The following AGBL1 variants were observed in gnomAD, a reference collection of about 807,000 sequenced individuals.
AGBL1 encodes the protein AGBL carboxypeptidase 1.
AGBL1 carries 130 observed loss-of-function variants against 118.9 expected under a neutral mutation model. The ratio of observed to expected loss-of-function variants is 1.09; its 90% CI spans 0.95 to 1.26. The LOEUF is 1.26. AGBL1 is among the 50% of genes most tolerant of loss of function. AGBL1 has a pLI of 0.00. For missense variants in AGBL1, 1,584 were observed against 1,298.1 expected, an observed-to-expected ratio of 1.22 and a Z score of -3.38; for synonymous variants, 555 against 478.9, an observed-to-expected ratio of 1.16 and a Z score of -2.08.
intron 23 of AGBL1, among the ~76,000 whole-genome samples, chr15:86,954,958 T>A (rs1228979200): frequency 6.6e-6 from 1 of 152,188 alleles, no homozygotes; most frequent in Non-Finnish European, 1.5e-5. Flanking sequence ...GTATCTTTAC[T>A]TATATATCTT....
At chr15:86,489,604 C>G (rs2082754401) in intron 18 of AGBL1, among the ~76,000 whole-genome samples, 1 of 152,094 alleles carries the variant, frequency 6.6e-6, no homozygotes, top group Admixed American at 6.6e-5. Context: ...GCCCACGAAC[C>G]AAATCTGTCC....
Position 86,270,087 on chromosome 15 carries a change from A to G in AGBL1, c.1987+20A>G. ...ATTATGGTATGAACGCTTGGGGAGC[A>G]GGGGCTTTCTGGAACATGCCAGGAA... On this transcript the variant is annotated intron_variant, in intron 14 of 22. Transcript: ENST00000614907. The G allele has an allele frequency of 6.2e-7, 1 of 1,601,086 alleles. No homozygotes were observed. Among genetic ancestry groups the G allele is most frequent in the Admixed American group, 1.7e-5 (1 of 58,026 alleles).
chr15:86,554,449 C>T lies in AGBL1; in HGVS notation c.2906C>T (p.Ala969Val). The T allele has an allele frequency of 6.3e-7, 1 of 1,588,604 alleles. No homozygotes were observed. Among genetic ancestry groups the T allele is most frequent in the Non-Finnish European group, 8.6e-7 (1 of 1,167,414 alleles). Residue 969 changes from alanine (A) to valine (V), a missense_variant, in exon 21 of 23, where the codon GCC becomes GTC. Coordinates refer to ENST00000614907, the MANE Select transcript of AGBL1 (RefSeq NM_001386094.1). ...GTGGAGAAATCTCGAGCTTCCACGGCCCGGGTGGTGGTGTGGAGAGAGATG... is the reference window on the plus strand; with the variant it reads ...GTGGAGAAATCTCGAGCTTCCACGGTCCGGGTGGTGGTGTGGAGAGAGATG... Reference protein sequence around the residue: ...FLVEKSRASTARVVVWREMGV... With the variant: ...FLVEKSRASTVRVVVWREMGV...
Position 86,544,334 on chromosome 15 carries a change from G to A in AGBL1, c.2686-1668G>A, listed in dbSNP as rs112161152. The stretch of plus-strand genomic sequence containing the variant: ...TTACTCACGTGATGGTTGTTGCAAG[G>A]TTCCTGGGAACAGCAAGACAGCAAA... On this transcript the variant is annotated intron_variant, in intron 19 of 22. Transcript: ENST00000614907. Among the ~76,000 whole-genome samples the A allele has an allele frequency of 2.9e-3, 434 of 152,266 alleles. 3 individuals are homozygous for A. Among genetic ancestry groups the A allele is most frequent in the African/African-American group, 9.4e-3 (391 of 41,550 alleles).
chr15:86,468,997 G>T (rs1329189637), intron 18 of AGBL1, among the ~76,000 whole-genome samples: 2 of 152,034 alleles, frequency 1.3e-5, no homozygotes, highest in Non-Finnish European at 2.9e-5. Context: ...GTGATGTTTA[G>T]ATATATATAT....
chr15:86,119,241 A>G (rs562325705), intron 1 of AGBL1, among the ~76,000 whole-genome samples: 3 of 152,330 alleles, frequency 2.0e-5, no homozygotes, highest in African/African-American at 7.2e-5. Flanking sequence ...CAGAGATGCA[A>G]AGGTTTCTCA....
At chr15:86,829,330 T>C (rs918136390) in intron 22 of AGBL1, among the ~76,000 whole-genome samples, 1 of 152,166 alleles carries the variant, frequency 6.6e-6, no homozygotes, top group African/African-American at 2.4e-5. Flanking sequence ...AAGGGTCAAG[T>C]GGGCTCTGAT....
intron 22 of AGBL1, among the ~76,000 whole-genome samples, chr15:86,717,891 A>G (rs1403429455): frequency 6.6e-6 from 1 of 152,130 alleles, no homozygotes; most frequent in African/African-American, 2.4e-5. Flanking sequence ...CAGCCTGACC[A>G]ACATGGTGAA....
chr15:86,963,546 T>G (rs148041704), intron 23 of AGBL1, among the ~76,000 whole-genome samples: 8 of 152,020 alleles, frequency 5.3e-5, no homozygotes, highest in Non-Finnish European at 1.2e-4. Context: ...TACAAAGTTA[T>G]AGCAAGAAGT....
At chr15:86,540,680 G>A (rs755444709) in intron 19 of AGBL1, among the ~76,000 whole-genome samples, 56 of 152,106 alleles carry the variant, frequency 3.7e-4, no homozygotes, top group Non-Finnish European at 5.7e-4. Context: ...AGAAGTATAA[G>A]TATTAAATCT....
intron 17 of AGBL1, among the ~76,000 whole-genome samples, chr15:86,381,636 G>A (rs910575584): frequency 2.0e-5 from 3 of 152,158 alleles, no homozygotes; most frequent in Non-Finnish European, 4.4e-5. Context: ...AGGCACAGGA[G>A]AACTTAATTC....
intron 11 of AGBL1, 100 bp downstream of exon 11, chr15:86,264,938 G>C (rs774293013): frequency 1.8e-6 from 2 of 1,140,752 alleles, no homozygotes; most frequent in African/African-American, 1.6e-5. Context: ...ATAGGAAAGA[G>C]AGCATTAATC....
At chr15:87,027,086 G>T (rs932553203) in intron 24 of AGBL1, among the ~76,000 whole-genome samples, 1 of 151,936 alleles carries the variant, frequency 6.6e-6, no homozygotes, top group Non-Finnish European at 1.5e-5. Flanking sequence ...CACCACCAAA[G>T]AACTTACTCA....
At chr15:86,917,673 TG>T (rs1341330163), downstream of AGBL1, among the ~76,000 whole-genome samples, 2 of 152,062 alleles carry the variant, frequency 1.3e-5, no homozygotes, top group Admixed American at 1.3e-4. The surrounding 1 kb of genome is among the most constrained non-coding windows in gnomAD (Gnocchi z 4.8). Context: ...TTCTTGAATT[TG>T]GGGATATGCA....
chr15:86,178,181 C>T (rs1412907612), intron 5 of AGBL1, among the ~76,000 whole-genome samples: 1 of 152,036 alleles, frequency 6.6e-6, no homozygotes, highest in African/African-American at 2.4e-5. Flanking sequence ...GGTGTGGTGG[C>T]ACCTGCCCGT....
At chr15:86,829,141 G>A (rs556315091) in intron 22 of AGBL1, among the ~76,000 whole-genome samples, 2 of 152,156 alleles carry the variant, frequency 1.3e-5, no homozygotes, top group South Asian at 4.1e-4. Context: ...TGATGCATTG[G>A]TGAAGTTCAG....
intron 18 of AGBL1, among the ~76,000 whole-genome samples, chr15:86,439,789 A>G (rs981203850): frequency 3.3e-5 from 5 of 152,196 alleles, no homozygotes; most frequent in African/African-American, 1.2e-4. Context: ...CCTCTCTCCA[A>G]CAGCTGCTGT....
At chr15:86,875,698 G>C (rs750140023) in intron 22 of AGBL1, among the ~76,000 whole-genome samples, 2 of 152,150 alleles carry the variant, frequency 1.3e-5, no homozygotes, top group African/African-American at 4.8e-5. Context: ...ATGTTCAAAG[G>C]CTGGATTAAA....
intron 22 of AGBL1, among the ~76,000 whole-genome samples, chr15:86,879,671 G>T (rs187045783): frequency 3.3e-5 from 5 of 152,104 alleles, no homozygotes; most frequent in Admixed American, 1.3e-4. Flanking sequence ...CTTTCCTTTG[G>T]CTTGATGTTC....
Sources: allele counts gnomAD v4.1 joint callset (sites outside exome capture counted in the v4.1 genomes callset), GRCh38; gene constraint gnomAD v4.1.1; non-coding constraint Gnocchi (gnomAD v3.1); transcripts MANE v1.5; gene names NCBI Gene and HGNC (gene_info 2026-07-23, HGNC 2026-07-21).